The following CHST11 variants were observed in gnomAD, a reference collection of about 807,000 sequenced individuals.
The protein encoded by CHST11 is carbohydrate sulfotransferase 11.
CHST11 carries 9 observed loss-of-function variants against 30.4 expected under a neutral mutation model. That is an observed-to-expected ratio of 0.30 (90% CI 0.18 to 0.52). The LOEUF is 0.52. Among genes scored for constraint, CHST11 ranks in the 20% least tolerant of loss-of-function variants. The pLI is 0.97. For synonymous variants in CHST11, 152 were observed against 187.8 expected (o/e 0.81, Z 1.56); for missense variants, 348 against 460.6 (o/e 0.76, Z 2.24).
chr12:104,715,860 G>A (rs1450321123), intron 2 of CHST11, among the ~76,000 whole-genome samples: 1 of 152,176 alleles, frequency 6.6e-6, no homozygotes, highest in Non-Finnish European at 1.5e-5. Context: ...CGTGTGTGTC[G>A]CGCCTTTCTC....
At chr12:104,674,713 CT>C (rs137956366) in intron 2 of CHST11, among the ~76,000 whole-genome samples, 2,031 of 149,660 alleles carry the variant, frequency 0.014, 22 homozygotes, top group East Asian at 0.033. Context: ...ACGGATTAGA[CT>C]TTTTTTTTTC....
intron 1 of CHST11, among the ~76,000 whole-genome samples, chr12:104,539,807 C>G: frequency 6.6e-6 from 1 of 152,122 alleles, no homozygotes; most frequent in East Asian, 1.9e-4. Flanking sequence ...CTACAATGCT[C>G]AAGTCCCTTA....
intron 1 of CHST11, among the ~76,000 whole-genome samples, chr12:104,530,699 G>A (rs78018558): frequency 6.6e-6 from 1 of 152,248 alleles, no homozygotes; most frequent in African/African-American, 2.4e-5. Flanking sequence ...CACTGAAGAT[G>A]TCTTGAATCT....
chr12:104,661,719 G>A (rs1220529907), intron 2 of CHST11, among the ~76,000 whole-genome samples: 1 of 152,190 alleles, frequency 6.6e-6, no homozygotes, highest in African/African-American at 2.4e-5. Flanking sequence ...CAGCAGTAGT[G>A]GTGAAGGTGC....
At chr12:104,501,203 C>A (rs2037850671) in intron 1 of CHST11, among the ~76,000 whole-genome samples, 1 of 152,168 alleles carries the variant, frequency 6.6e-6, no homozygotes. Flanking sequence ...CAAGGAAGGA[C>A]TCCTCTTCCT....
chr12:104,588,694 C>CGT (rs2038829202), intron 1 of CHST11, among the ~76,000 whole-genome samples: 1 of 152,250 alleles, frequency 6.6e-6, no homozygotes, highest in Non-Finnish European at 1.5e-5. Context: ...CTGTACATGA[C>CGT]AGCCATGCTC....
chr12:104,685,750 T>G (rs931731361), intron 2 of CHST11, among the ~76,000 whole-genome samples: 4 of 152,238 alleles, frequency 2.6e-5, no homozygotes, highest in Non-Finnish European at 5.9e-5. Flanking sequence ...GTCTGGACTT[T>G]CATTTGGAGC....
chr12:104,616,280 A>T (rs1227627705), intron 2 of CHST11, among the ~76,000 whole-genome samples: 1 of 152,210 alleles, frequency 6.6e-6, no homozygotes, highest in East Asian at 1.9e-4. Context: ...AATTTAAAAA[A>T]TTGCAATGCT....
chr12:104,497,335 G>A (rs370187770), intron 1 of CHST11, among the ~76,000 whole-genome samples: 3 of 152,180 alleles, frequency 2.0e-5, no homozygotes, highest in Non-Finnish European at 2.9e-5. Context: ...GGTTGTGCAC[G>A]CACAGAGGAA....
At chr12:104,487,616 G>A (rs2037694601) in intron 1 of CHST11, among the ~76,000 whole-genome samples, 1 of 152,200 alleles carries the variant, frequency 6.6e-6, no homozygotes, top group Non-Finnish European at 1.5e-5. Context: ...TTTTACTGAT[G>A]AGGAAGTTGG....
Position 104,682,024 on chromosome 12 carries a change from G to A in CHST11, c.205-74925G>A, listed in dbSNP as rs900968184. Reference sequence around the variant, plus strand: ...TTTTTTTTGTATCTTTAGTAGAGACGGGGTTTCACCGTTTTAGCCAAGATG... The same window carrying A: ...TTTTTTTTGTATCTTTAGTAGAGACAGGGTTTCACCGTTTTAGCCAAGATG... On this transcript the variant is annotated intron_variant, in intron 2 of 2. Transcript: ENST00000303694. Among the ~76,000 whole-genome samples, 8 of 151,742 alleles carry A rather than the reference G, an allele frequency of 5.3e-5. No individual in the cohort carries two copies. The South Asian group carries it at 6.3e-4, about 12-fold the overall frequency.
In CHST11 at chr12:104,600,392, G is replaced by T. The variant is rs1044155567; in HGVS notation, c.119-1514G>T. 1.3e-5 allele frequency among the ~76,000 whole-genome samples: 2 copies of T among 152,200 alleles called. No individual in the cohort carries two copies. The highest frequency in any genetic ancestry group is 3.8e-4 in the East Asian group (2 of 5,204). ...TCACTCCTCATCAGTCCCCTTGATA[G>T]CCACAAATAGAGAAGTTCCCGCCTT... On this transcript the variant is annotated intron_variant, in intron 1 of 2. Coordinates refer to ENST00000303694, the MANE Select transcript of CHST11 (RefSeq NM_018413.6). The surrounding 1 kb of genome is among the most constrained non-coding windows in gnomAD (Gnocchi z 4.1).
intron 2 of CHST11, among the ~76,000 whole-genome samples, chr12:104,748,599 G>A (rs958164792): frequency 6.7e-6 from 1 of 150,100 alleles, no homozygotes. Flanking sequence ...GGAGTCGGGG[G>A]AGAGATGGCC....
intron 2 of CHST11, among the ~76,000 whole-genome samples, chr12:104,602,626 A>G (rs923328436): frequency 6.6e-6 from 1 of 152,200 alleles, no homozygotes; most frequent in African/African-American, 2.4e-5. Context: ...TGCCATGGCA[A>G]CAGCCTCAGT....
chr12:104,485,974 G>A (rs1041322393), intron 1 of CHST11, among the ~76,000 whole-genome samples: 1 of 152,174 alleles, frequency 6.6e-6, no homozygotes, highest in Non-Finnish European at 1.5e-5. Flanking sequence ...ATAAGTCATC[G>A]CACCATTCTG....
Position 104,739,372 on chromosome 12 carries a change from C to T in CHST11, c.205-17577C>T, listed in dbSNP as rs186307833. ...TTCTAGAAGGTAGAGTGACTTCTCT[C>T]GGCCAGTGTATTCATCCGTGCACCA... On this transcript the variant is annotated intron_variant, in intron 2 of 2. Transcript: ENST00000303694. Among the ~76,000 whole-genome samples the T allele has an allele frequency of 1.5e-3, 232 of 152,334 alleles. 4 individuals carry two copies. Among genetic ancestry groups the T allele is most frequent in the Non-Finnish European group, 4.4e-4 (30 of 68,028 alleles).
intron 2 of CHST11, among the ~76,000 whole-genome samples, chr12:104,722,564 TGA>T (rs1244824311): frequency 5.3e-5 from 8 of 152,088 alleles, no homozygotes; most frequent in African/African-American, 1.9e-4. Context: ...ATGGTGAGGA[TGA>T]GTTTTATTTC....
intron 2 of CHST11, among the ~76,000 whole-genome samples, chr12:104,692,157 C>T (rs1173617098): frequency 6.6e-6 from 1 of 152,226 alleles, no homozygotes; most frequent in African/African-American, 2.4e-5. Context: ...CCCAAAGCAG[C>T]TCCTGTTCAC....
chr12:104,729,548 C>T lies in CHST11; in HGVS notation c.205-27401C>T, dbSNP rs1193556268. On this transcript the variant is annotated intron_variant, in intron 2 of 2. Transcript: ENST00000303694. The surrounding 1 kb of genome is among the most constrained non-coding windows in gnomAD (Gnocchi z 4.0). ...GCCCCTGCCCTCTGACTTTGAGATC[C>T]AGGCATTTCAGACAGACAGTATCAG... Among the ~76,000 whole-genome samples, 2 of 152,128 alleles carry T rather than the reference C, an allele frequency of 1.3e-5. No homozygotes were observed. Among genetic ancestry groups the T allele is most frequent in the Non-Finnish European group, 1.5e-5 (1 of 68,016 alleles).
Sources: allele counts gnomAD v4.1 joint callset (sites outside exome capture counted in the v4.1 genomes callset), GRCh38; gene constraint gnomAD v4.1.1; non-coding constraint Gnocchi (gnomAD v3.1); transcripts MANE v1.5; gene names NCBI Gene and HGNC (gene_info 2026-07-23, HGNC 2026-07-21).